EPHA6: variants seen among roughly 807,000 people sequenced by gnomAD.
EPHA6 encodes EPH receptor A6.
A neutral mutation model predicts 112.0 loss-of-function variants in EPHA6; 50 were observed. The observed-to-expected ratio is 0.45, with a 90% CI of 0.36 to 0.56. The LOEUF is 0.56. Ranked by LOEUF, EPHA6 falls within the 20% of genes least tolerant of loss-of-function variation. EPHA6 has a pLI of 0.00. For synonymous variants in EPHA6, 529 were observed against 490.7 expected (o/e 1.08, Z -1.03); for missense variants, 1,280 against 1,417.4 (o/e 0.90, Z 1.56).
At chr3:97,151,626 C>G (rs2076173777) in intron 3 of EPHA6, among the ~76,000 whole-genome samples, 1 of 151,922 alleles carries the variant, frequency 6.6e-6, no homozygotes, top group Non-Finnish European at 1.5e-5. Context: ...TTTTTAATAA[C>G]TAGGTAAAGA....
intron 3 of EPHA6, among the ~76,000 whole-genome samples, chr3:97,176,343 T>C (rs2108440137): frequency 1.3e-5 from 2 of 152,044 alleles, no homozygotes; most frequent in Admixed American, 1.3e-4. Context: ...GTCAGAGATA[T>C]TGGCCTGTAG....
At chr3:97,417,295 C>G (rs1304830484) in intron 6 of EPHA6, among the ~76,000 whole-genome samples, 1 of 152,088 alleles carries the variant, frequency 6.6e-6, no homozygotes, top group Admixed American at 6.6e-5. Flanking sequence ...TCTGATGTAT[C>G]TTTGGCCTCC....
At chr3:97,535,389 G>A (rs1640101394) in intron 11 of EPHA6, among the ~76,000 whole-genome samples, 2 of 152,080 alleles carry the variant, frequency 1.3e-5, no homozygotes, top group African/African-American at 4.8e-5. Context: ...GTATACTGTT[G>A]AGTGACAATC....
chr3:96,823,707 A>G (rs1004130239), intron 1 of EPHA6, among the ~76,000 whole-genome samples: 1 of 151,838 alleles, frequency 6.6e-6, no homozygotes, highest in Non-Finnish European at 1.5e-5. Context: ...AGCAATCAGC[A>G]TTAATGCCTC....
chr3:97,029,771 C>T (rs558916896), intron 3 of EPHA6, among the ~76,000 whole-genome samples: 2 of 152,200 alleles, frequency 1.3e-5, no homozygotes, highest in African/African-American at 4.8e-5. Flanking sequence ...AATAGTTTCA[C>T]TTCTTTAGTT....
At chr3:97,093,596 A>G (rs1275007777) in intron 3 of EPHA6, among the ~76,000 whole-genome samples, 1 of 152,084 alleles carries the variant, frequency 6.6e-6, no homozygotes, top group African/African-American at 2.4e-5. Flanking sequence ...CCTGAATGAT[A>G]GGTAATGAAG....
chr3:97,291,272 T>C (rs1295656077), intron 5 of EPHA6, among the ~76,000 whole-genome samples: 1 of 152,232 alleles, frequency 6.6e-6, no homozygotes, highest in African/African-American at 2.4e-5. Flanking sequence ...ACATTTTTGT[T>C]GAAGCTTGTT....
chr3:97,389,237 T>C (rs1429330223), intron 5 of EPHA6, among the ~76,000 whole-genome samples: 2 of 152,172 alleles, frequency 1.3e-5, no homozygotes, highest in Non-Finnish European at 2.9e-5. Context: ...ACAGTAGTAG[T>C]GCATACACTC....
intron 4 of EPHA6, among the ~76,000 whole-genome samples, chr3:97,236,263 G>T (rs2108565771): frequency 6.6e-6 from 1 of 151,778 alleles, no homozygotes; most frequent in East Asian, 2.0e-4. Context: ...AACAAAGTAG[G>T]CAAATAAGAG....
chr3:97,686,823 A>C (rs902303856), intron 14 of EPHA6, among the ~76,000 whole-genome samples: 4 of 152,170 alleles, frequency 2.6e-5, no homozygotes, highest in African/African-American at 9.7e-5. Context: ...GGAACACTGA[A>C]TCTTGGAGTC....
intron 10 of EPHA6, among the ~76,000 whole-genome samples, chr3:97,530,117 G>A (rs1560104569): frequency 1.3e-5 from 2 of 151,856 alleles, no homozygotes; most frequent in Non-Finnish European, 2.9e-5. Flanking sequence ...ATAAATATTT[G>A]TTTTGTTCTG....
intron 5 of EPHA6, among the ~76,000 whole-genome samples, chr3:97,392,742 G>A (rs1393860391): frequency 6.6e-6 from 1 of 151,428 alleles, no homozygotes; most frequent in Non-Finnish European, 1.5e-5. Context: ...CGTAATATTA[G>A]TTAAAATGAT....
intron 5 of EPHA6, among the ~76,000 whole-genome samples, chr3:97,339,154 A>T (rs1444294879): frequency 6.6e-6 from 1 of 152,168 alleles, no homozygotes. Context: ...TAGTCAAGGG[A>T]ATGGAGTCAT....
intron 3 of EPHA6, among the ~76,000 whole-genome samples, chr3:97,207,903 A>C (rs2077756343): frequency 6.6e-6 from 1 of 152,162 alleles, no homozygotes; most frequent in East Asian, 1.9e-4. Flanking sequence ...CTGGGTGAGA[A>C]ATAGTCATTG....
chr3:96,890,779 A>G (rs953685998), intron 2 of EPHA6, among the ~76,000 whole-genome samples: 1 of 152,214 alleles, frequency 6.6e-6, no homozygotes. Context: ...GGCAATATCT[A>G]TTAAATCTTA....
chr3:97,382,471 T>G (rs2085810142), intron 5 of EPHA6, among the ~76,000 whole-genome samples: 1 of 152,060 alleles, frequency 6.6e-6, no homozygotes, highest in Admixed American at 6.6e-5. Context: ...AGTGGTTTAT[T>G]TTTTCAAAAG....
intron 2 of EPHA6, among the ~76,000 whole-genome samples, chr3:96,884,555 A>T (rs2107521218): frequency 1.3e-5 from 2 of 152,252 alleles, no homozygotes; most frequent in South Asian, 4.1e-4. Context: ...AGAGCTACTG[A>T]CTTGTGTACA....
chr3:97,059,776 TCAAATGTATTTCTCAAGTA>T (rs912876711), intron 3 of EPHA6, among the ~76,000 whole-genome samples: 2 of 151,548 alleles, frequency 1.3e-5, no homozygotes, highest in African/African-American at 4.9e-5. Context: ...TCATAATTAT[TCAAATGTATTTCTCAAGTA>T]CAAATGTGTT....
chr3:97,024,003 C>A (rs1165868409), intron 3 of EPHA6, among the ~76,000 whole-genome samples: 1 of 151,994 alleles, frequency 6.6e-6, no homozygotes, highest in African/African-American at 2.4e-5. Context: ...GTATTTTTTT[C>A]TCTTTTTACT....
Sources: gnomAD v4.1 joint callset for allele counts (sites outside exome capture counted in the v4.1 genomes callset) on GRCh38, gnomAD v4.1.1 for gene constraint, MANE v1.5 for transcripts, NCBI Gene and HGNC (gene_info 2026-07-23, HGNC 2026-07-21) for gene names.